The following TBCE variants were observed in gnomAD, a reference collection of about 807,000 sequenced individuals.
TBCE encodes tubulin folding cofactor E.
TBCE carries 53 observed loss-of-function variants against 77.0 expected under a neutral mutation model. The ratio of observed to expected loss-of-function variants is 0.69; its 90% CI spans 0.55 to 0.87. The LOEUF is 0.87. Among genes scored for constraint, TBCE ranks in the 40% least tolerant of loss-of-function variants. The pLI is 0.00. For synonymous variants in TBCE, 235 were observed against 241.3 expected (o/e 0.97, Z 0.24); for missense variants, 624 against 622.4 (o/e 1.00, Z -0.03).
Position 235,414,553 on chromosome 1 carries a change from A to G in TBCE, c.306A>G (p.Gln102=), listed in dbSNP as rs1200943793. 6.2e-7 allele frequency: 1 copy of G among 1,613,808 alleles called. No individual in the cohort carries two copies. The highest frequency in any genetic ancestry group is 8.5e-7 in the Non-Finnish European group (1 of 1,180,012). Residue 102 remains glutamine, a synonymous_variant, in exon 4 of 17, where the codon CAA becomes CAG. Transcript: ENST00000642610. ...GACCAGAGGAAGATAGAAAAGAGCAAATTGTTACAATTGGAAATAAACCTG... is the reference window on the plus strand; with the variant it reads ...GACCAGAGGAAGATAGAAAAGAGCAGATTGTTACAATTGGAAATAAACCTG... ...EDGPEEDRKE[Q]IVTIGNKPVE...
Position 235,397,668 on chromosome 1 carries a change from A to T in TBCE, c.101-3835A>T, listed in dbSNP as rs570763433. 5.3e-5 allele frequency among the ~76,000 whole-genome samples: 8 copies of T among 152,320 alleles called. 1 individual carries two copies. In the South Asian group the frequency reaches 1.7e-3, roughly 32 times the overall value. On this transcript the variant is annotated intron_variant, in intron 2 of 16. Transcript: ENST00000642610. Reference sequence around the variant, plus strand: ...GAAACAAATTAGGTTGACCAGAGTAATCAGGTTTGTGTGACAGCTTTATTA... The same window carrying T: ...GAAACAAATTAGGTTGACCAGAGTATTCAGGTTTGTGTGACAGCTTTATTA...
chr1:235,376,100 T>C (rs558232005), intron 1 of TBCE, among the ~76,000 whole-genome samples: 143 of 152,170 alleles, frequency 9.4e-4, no homozygotes, highest in African/African-American at 3.3e-3. Flanking sequence ...TTACTGACCT[T>C]AGACCTTATA....
At chr1:235,434,511 A>G (rs912628728) in intron 8 of TBCE, among the ~76,000 whole-genome samples, 6 of 151,624 alleles carry the variant, frequency 4.0e-5, no homozygotes, top group African/African-American at 1.5e-4. Context: ...TTAGTTTTGC[A>G]TCAGTGTATT....
At chr1:235,432,265 T>C (rs1681150049) in intron 7 of TBCE, among the ~76,000 whole-genome samples, 1 of 152,220 alleles carries the variant, frequency 6.6e-6, no homozygotes, top group African/African-American at 2.4e-5. Context: ...ATTACAGGCG[T>C]GAGCCACTGT....
In TBCE at chr1:235,414,430, C is replaced by T; in HGVS notation, c.186-3C>T. The T allele has an allele frequency of 6.2e-7, 1 of 1,613,236 alleles. No individual in the cohort carries two copies. The highest frequency in any genetic ancestry group is 8.5e-7 in the Non-Finnish European group (1 of 1,179,906). On this transcript the variant is annotated splice_polypyrimidine_tract_variant and splice_region_variant and intron_variant, in intron 3 of 16. Coordinates refer to ENST00000642610, the MANE Select transcript of TBCE (RefSeq NM_003193.5). ...CTGTGTTTCATTTGCTCTTCTTTAC[C>T]AGGCACCCGACAGGAGGATCCTTTA... is the stretch of plus-strand genomic sequence containing the variant.
chr1:235,400,630 G>C (rs1679043152), intron 2 of TBCE, among the ~76,000 whole-genome samples: 1 of 151,672 alleles, frequency 6.6e-6, no homozygotes, highest in Non-Finnish European at 1.5e-5. Context: ...TCGAACTCCT[G>C]ACCTCGTGAT....
At chr1:235,407,855 C>T (rs536944239) in intron 3 of TBCE, among the ~76,000 whole-genome samples, 2 of 151,856 alleles carry the variant, frequency 1.3e-5, no homozygotes, top group Non-Finnish European at 2.9e-5. Flanking sequence ...TTACCTTGTC[C>T]GTAGACAGCA....
intron 5 of TBCE, 92 bp downstream of exon 5, chr1:235,419,653 C>G: frequency 6.5e-7 from 1 of 1,541,440 alleles, no homozygotes; most frequent in Non-Finnish European, 8.9e-7. Context: ...ATTGTCCAGT[C>G]TTGACAACTT....
chr1:235,438,866 A>G lies in TBCE; in HGVS notation c.1214A>G (p.Asn405Ser). ...QAGGHKDPEKNRLSEEFLTAH... is the reference protein window; with the variant it reads ...QAGGHKDPEKSRLSEEFLTAH... ...GGTGGACATAAGGATCCGGAAAAAA[A>G]CAGACTCAGCGAAGAATTCCTCACA... Residue 405 changes from asparagine to serine, a missense_variant, in exon 13 of 17, where the codon AAC (asparagine) becomes AGC (serine). Physicochemically the swap from Asn to Ser is conservative, Grantham distance 46 (BLOSUM62 1). Transcript: ENST00000642610. The G allele has an allele frequency of 6.2e-7, 1 of 1,614,200 alleles. No homozygotes were observed. Among genetic ancestry groups the G allele is most frequent in the Non-Finnish European group, 8.5e-7 (1 of 1,180,046 alleles).
chr1:235,433,009 G>A (rs766052873), intron 7 of TBCE: 10 of 1,522,476 alleles, frequency 6.6e-6, no homozygotes, highest in African/African-American at 2.8e-5. Flanking sequence ...CAGCAAGTTC[G>A]TGGATCTGTG....
chr1:235,386,435 C>T (rs1381728651), intron 2 of TBCE, among the ~76,000 whole-genome samples: 1 of 152,186 alleles, frequency 6.6e-6, no homozygotes, highest in African/African-American at 2.4e-5. Flanking sequence ...TTCAGGTACA[C>T]CAATCAGACG....
intron 1 of TBCE, among the ~76,000 whole-genome samples, chr1:235,376,162 G>GA (rs149185894): frequency 0.014 from 2,097 of 150,108 alleles, 18 homozygotes; most frequent in Non-Finnish European, 0.023. Context: ...GGTAGGAATG[G>GA]AAAAAAAAAA....
chr1:235,409,605 CT>C (rs2102872290), intron 3 of TBCE, among the ~76,000 whole-genome samples: 1 of 151,920 alleles, frequency 6.6e-6, no homozygotes, highest in South Asian at 2.1e-4. Flanking sequence ...CGTTTTGCAA[CT>C]ACCTAACAAC....
chr1:235,427,304 G>A (rs1481968329), intron 6 of TBCE, 65 bp downstream of exon 6: 9 of 1,243,894 alleles, frequency 7.2e-6, no homozygotes, highest in Admixed American at 1.7e-5. Context: ...CTTCCTCACA[G>A]CATCTCTGTG....
At chr1:235,427,953 C>A (rs1193703409) in intron 6 of TBCE, among the ~76,000 whole-genome samples, 1 of 151,690 alleles carries the variant, frequency 6.6e-6, no homozygotes, top group Non-Finnish European at 1.5e-5. Flanking sequence ...TTGCTTGAAC[C>A]CGGGAGGCAG....
Position 235,437,334 on chromosome 1 carries a change from A to G in TBCE, c.976A>G (p.Asn326Asp). Residue 326 changes from asparagine to aspartate, a missense_variant, in exon 12 of 17, where the codon AAT (asparagine) becomes GAT (aspartate). Asn to Asp is a conservative substitution (Grantham distance 23). Transcript: ENST00000642610. ...TGCTGTGTTTCAGTGGTCGTTTTTC[A>G]ATGAGCTAGAGAAGTTACCAAGTCT... ...DNQISQWSFF[N>D]ELEKLPSLRA... 1.2e-6 allele frequency: 2 copies of G among 1,614,000 alleles called. No homozygotes were observed. Among genetic ancestry groups the G allele is most frequent in the Non-Finnish European group, 1.7e-6 (2 of 1,179,980 alleles).
At chr1:235,420,670 A>G (rs1029453048) in intron 5 of TBCE, among the ~76,000 whole-genome samples, 2 of 152,008 alleles carry the variant, frequency 1.3e-5, no homozygotes, top group African/African-American at 4.8e-5. Flanking sequence ...TTTGGTAGAG[A>G]CGGGGTTTCA....
chr1:235,427,031 AGG>A, intron 5 of TBCE, 107 bp from the exon 6 acceptor site: 1 of 767,176 alleles, frequency 1.3e-6, no homozygotes, highest in Non-Finnish European at 2.3e-6. Context: ...AGCTGACTAG[AGG>A]GTATAAAATG....
At chr1:235,388,774 A>C (rs1160709256) in intron 2 of TBCE, among the ~76,000 whole-genome samples, 1 of 152,222 alleles carries the variant, frequency 6.6e-6, no homozygotes, top group Non-Finnish European at 1.5e-5. Flanking sequence ...TTTAGGGAGT[A>C]CTTTGGGACC....
Sources: allele counts gnomAD v4.1 joint callset (sites outside exome capture counted in the v4.1 genomes callset), GRCh38; gene constraint gnomAD v4.1.1; transcripts MANE v1.5; gene names NCBI Gene and HGNC (gene_info 2026-07-23, HGNC 2026-07-21).